The following CADPS variants were observed in gnomAD, a reference collection of about 807,000 sequenced individuals.
CADPS encodes the protein calcium dependent secretion activator, also known as calcium-dependent secretion activator 1.
A neutral mutation model predicts 167.3 loss-of-function variants in CADPS; 57 were observed. That is an observed-to-expected ratio of 0.34 (90% CI 0.28 to 0.42). The LOEUF is 0.42. Among genes scored for constraint, CADPS ranks in the 20% least tolerant of loss-of-function variants. CADPS has a pLI of 1.00. For missense variants in CADPS, 1,414 were observed against 1,738.1 expected (o/e 0.81, Z 3.32); for synonymous variants, 676 against 635.3 (o/e 1.06, Z -0.96).
At chr3:62,575,773 C>T (rs1049956977) in intron 8 of CADPS, among the ~76,000 whole-genome samples, 1 of 152,168 alleles carries the variant, frequency 6.6e-6, no homozygotes, top group Admixed American at 6.5e-5. Flanking sequence ...AGTCACGATT[C>T]TAATTGAACA....
chr3:62,803,476 C>A (rs1313908396), intron 1 of CADPS, among the ~76,000 whole-genome samples: 1 of 151,892 alleles, frequency 6.6e-6, no homozygotes, highest in Admixed American at 6.6e-5. Flanking sequence ...CTACTGGCAT[C>A]TAGTGGGTAG....
chr3:62,721,107 G>A (rs143770991), intron 3 of CADPS, among the ~76,000 whole-genome samples: 12,966 of 114,094 alleles, frequency 0.11, 699 homozygotes, highest in South Asian at 0.2. Flanking sequence ...GTGAGCCACC[G>A]TGCCCGGCAG....
At chr3:62,683,966 A>T (rs187754927) in intron 3 of CADPS, among the ~76,000 whole-genome samples, 1 of 152,000 alleles carries the variant, frequency 6.6e-6, no homozygotes, top group Non-Finnish European at 1.5e-5. Flanking sequence ...AAACCTGATC[A>T]CCTGGCTAAG....
intron 1 of CADPS, among the ~76,000 whole-genome samples, chr3:62,830,548 G>C (rs1356540713): frequency 6.6e-6 from 1 of 152,058 alleles, no homozygotes; most frequent in East Asian, 1.9e-4. Flanking sequence ...GCAAGTTGAG[G>C]GGATAATGGC....
rs144129414 is a variant in CADPS, at chr3:62,762,044, A to G, written c.555+3827T>C. Among the ~76,000 whole-genome samples the G allele has an allele frequency of 3.1e-3, 475 of 152,266 alleles. 7 individuals are homozygous for G. Among genetic ancestry groups the G allele is most frequent in the African/African-American group, 0.011 (458 of 41,552 alleles). On this transcript the variant is annotated intron_variant, in intron 2 of 29. Transcript: ENST00000383710. ...CCCACTCATGGCCCAGGCCTCACCAACTTGTTGTTAATGGTGACTAGCTTG... is the reference window on the plus strand; with the variant it reads ...CCCACTCATGGCCCAGGCCTCACCAGCTTGTTGTTAATGGTGACTAGCTTG...
chr3:62,683,730 T>C (rs568062430), intron 3 of CADPS, among the ~76,000 whole-genome samples: 22 of 152,174 alleles, frequency 1.4e-4, no homozygotes, highest in Admixed American at 9.2e-4. Flanking sequence ...TCAGACTCCT[T>C]GGGCTGTGAC....
intron 1 of CADPS, among the ~76,000 whole-genome samples, chr3:62,797,916 A>C (rs1392671587): frequency 3.3e-5 from 5 of 152,202 alleles, no homozygotes; most frequent in Non-Finnish European, 2.9e-5. Context: ...TATTTTTTAG[A>C]AACGACCATG....
At chr3:62,859,523 G>A (rs74847757) in intron 1 of CADPS, among the ~76,000 whole-genome samples, 3,895 of 152,256 alleles carry the variant, frequency 0.026, 183 homozygotes, top group African/African-American at 0.089. Context: ...CTGCTTCGGG[G>A]GGAGACGTGC....
At chr3:62,685,509 T>G (rs2077843461) in intron 3 of CADPS, among the ~76,000 whole-genome samples, 1 of 151,976 alleles carries the variant, frequency 6.6e-6, no homozygotes, top group African/African-American at 2.4e-5. Context: ...TTTAATAAAC[T>G]GAAGTCCAGA....
At chr3:62,727,005 T>C (rs2076867303) in intron 3 of CADPS, among the ~76,000 whole-genome samples, 1 of 151,868 alleles carries the variant, frequency 6.6e-6, no homozygotes, top group South Asian at 2.1e-4. Context: ...TAGACTGTCT[T>C]AGATTGCTGG....
At chr3:62,770,327 A>G (rs2088272692) in intron 1 of CADPS, among the ~76,000 whole-genome samples, 1 of 152,252 alleles carries the variant, frequency 6.6e-6, no homozygotes, top group Admixed American at 6.5e-5. Context: ...TCATTATCAC[A>G]GTTAGCCCTT....
At chr3:62,429,230 T>C (rs779341980) in intron 28 of CADPS, among the ~76,000 whole-genome samples, 1 of 152,182 alleles carries the variant, frequency 6.6e-6, no homozygotes, top group Non-Finnish European at 1.5e-5. Context: ...GCCCACTATG[T>C]GCCAAACTTT....
At chr3:62,705,248 C>T (rs1433093688) in intron 3 of CADPS, among the ~76,000 whole-genome samples, 2 of 152,196 alleles carry the variant, frequency 1.3e-5, no homozygotes, top group East Asian at 3.9e-4. Flanking sequence ...ATTCTTCTCT[C>T]CCTTTCGAGG....
At chr3:62,774,231 C>T (rs1446254200) in intron 1 of CADPS, among the ~76,000 whole-genome samples, 1 of 152,010 alleles carries the variant, frequency 6.6e-6, no homozygotes, top group East Asian at 1.9e-4. Context: ...GGCCACAAAG[C>T]TCTTAAAAGG....
chr3:62,601,346 G>GAA lies in CADPS; in HGVS notation c.1326-8600_1326-8599dup, dbSNP rs1376072278. On this transcript the variant is annotated intron_variant, in intron 6 of 29. Coordinates refer to ENST00000383710, the MANE Select transcript of CADPS (RefSeq NM_003716.4). This position sits in a 1 kb window ranked among gnomAD's most constrained non-coding sequence, Gnocchi z 4.3. ...GGCAGAATTGAGTAGTTATGACAGA[G>GAA]AATATAGGGCCAACAAACCGAAAAT... 1.3e-5 allele frequency among the ~76,000 whole-genome samples: 2 copies of GAA among 152,158 alleles called. No individual in the cohort carries two copies. Among genetic ancestry groups the GAA allele is most frequent in the African/African-American group, 4.8e-5 (2 of 41,434 alleles).
At chr3:62,547,840 G>C (rs940425651) in intron 11 of CADPS, among the ~76,000 whole-genome samples, 2 of 151,904 alleles carry the variant, frequency 1.3e-5, no homozygotes, top group African/African-American at 4.8e-5. Flanking sequence ...TTCCATCACA[G>C]GTTTTCTTTT....
chr3:62,731,835 A>AAAAAAAAAAAAAAAAAAAG (rs568495417), intron 3 of CADPS, among the ~76,000 whole-genome samples: 7 of 110,264 alleles, frequency 6.3e-5, no homozygotes, highest in Admixed American at 1.0e-4. Context: ...AAAAAAGTAA[A>AAAAAAAAAAAAAAAAAAAG]GAAGGAAGAA....
intron 1 of CADPS, among the ~76,000 whole-genome samples, chr3:62,795,202 C>T (rs1158116831): frequency 2.0e-5 from 3 of 152,144 alleles, no homozygotes; most frequent in African/African-American, 7.2e-5. Flanking sequence ...AATACTCTCC[C>T]ACCAGCTCTT....
intron 27 of CADPS, among the ~76,000 whole-genome samples, chr3:62,443,538 G>T (rs1225235884): frequency 6.6e-6 from 1 of 152,078 alleles, no homozygotes; most frequent in Non-Finnish European, 1.5e-5. Flanking sequence ...TCATGGGAGG[G>T]ACCCAGTAGG....
Sources: gnomAD v4.1 joint callset for allele counts (sites outside exome capture counted in the v4.1 genomes callset) on GRCh38, gnomAD v4.1.1 for gene constraint, Gnocchi (gnomAD v3.1) non-coding constraint, MANE v1.5 for transcripts, NCBI Gene and HGNC (gene_info 2026-07-23, HGNC 2026-07-21) for gene names.